Variants in SLC45A1 observed in about 807,000 individuals in gnomAD.
SLC45A1 encodes the protein solute carrier family 45 member 1, also known as proton-associated sugar transporter A.
In SLC45A1, 28 loss-of-function variants were observed where a neutral mutation model predicts 57.6. The ratio of observed to expected loss-of-function variants is 0.49; its 90% confidence interval spans 0.36 to 0.67. The LOEUF (loss-of-function observed/expected upper bound fraction) is 0.67, where lower values mean the gene tolerates loss of function less well. SLC45A1 is among the 30% of genes least tolerant of loss of function. The probability of loss-of-function intolerance (pLI) is 0.00; values close to 1 mark genes in which losing one functional copy is unlikely to be tolerated. For synonymous variants in SLC45A1, 459 were observed against 471.5 expected (o/e 0.97, Z 0.34); for missense variants, 814 against 1,041.5 (o/e 0.78, Z 3.01).
rs536446923 is a variant in SLC45A1, at chr1:8,343,779, G to C, written c.2013G>C (p.Arg671=). 50 of 1,613,886 alleles carry C rather than the reference G, an allele frequency of 3.1e-5. No homozygotes were observed. The South Asian group carries it at 5.5e-4, about 18-fold the overall frequency. Residue 671 remains arginine, a synonymous_variant, in exon 9 of 9, where the codon CGG becomes CGC. Transcript: ENST00000471889. This position sits in a 1 kb window ranked among gnomAD's most constrained non-coding sequence, Gnocchi z 7.7. ...FAGSSADGTR[R]GMGVDISLLS... is the part of the protein sequence containing the mutation. ...GGTCCAGTGCGGACGGCACCCGGCG[G>C]GGCATGGGCGTGGACATCTCTCTGC... is the stretch of plus-strand genomic sequence containing the variant.
At position 8,333,390 on chromosome 1, in the gene SLC45A1, G is replaced by A. The variant is rs531736337; in HGVS notation, c.1444-2047G>A. Among the ~76,000 whole-genome samples the A allele has an allele frequency of 2.0e-5, 3 of 152,082 alleles. No individual in the cohort carries two copies. In the East Asian group the frequency reaches 5.8e-4, roughly 29 times the overall value. On this transcript the variant is annotated intron_variant, in intron 5 of 8. Coordinates refer to ENST00000471889, the MANE Select transcript of SLC45A1 (RefSeq NM_001080397.3). ...GGGCTCAAGTGATCCCCCTGCCTTG[G>A]CCTCCCAAAGTGCTGGAATTAGAGG...
In SLC45A1 at chr1:8,335,364, C is replaced by G; in HGVS notation, c.1444-73C>G. 7.1e-7 allele frequency: 1 copy of G among 1,409,862 alleles called. No individual in the cohort carries two copies. The highest frequency in any genetic ancestry group is 9.4e-7 in the Non-Finnish European group (1 of 1,060,442). The allele number at this position is 1,409,862 out of a possible 1,614,324, so 87.3% of individuals were successfully genotyped here. A position where few individuals can be genotyped will look rare whatever the true frequency, so the allele number is the denominator to read the frequency against. On this transcript the variant is annotated intron_variant, in intron 5 of 8. Transcript: ENST00000471889. This position sits in a 1 kb window ranked among gnomAD's most constrained non-coding sequence, Gnocchi z 4.1. ...GCGGTGTTTCCGAGAGCGCATTCCC[C>G]TGAGCAGAGCAGGGTCTGCGCTGTG...
At position 8,343,090 on chromosome 1, in the gene SLC45A1, G is replaced by A. The variant is rs1393827219; in HGVS notation, c.1981-657G>A. Among the ~76,000 whole-genome samples, 1 of 152,170 alleles carries A rather than the reference G, an allele frequency of 6.6e-6. No individual in the cohort carries two copies. The highest frequency in any genetic ancestry group is 1.5e-5 in the Non-Finnish European group (1 of 68,042). The stretch of plus-strand genomic sequence containing the variant: ...CTGAGCACAGCCCTTCTGATGGGGG[G>A]AAGCCGCAGGGGAGGCCCAGGCTCC... On this transcript the variant is annotated intron_variant, in intron 8 of 8. Coordinates refer to ENST00000471889, the MANE Select transcript of SLC45A1 (RefSeq NM_001080397.3). The surrounding 1 kb of genome is among the most constrained non-coding windows in gnomAD (Gnocchi z 7.7).
Position 8,325,489 on chromosome 1 carries a change from T to A in SLC45A1, c.490+99T>A. 1.1e-6 allele frequency: 1 copy of A among 871,306 alleles called. No homozygotes were observed. Among genetic ancestry groups the A allele is most frequent in the Non-Finnish European group, 1.8e-6 (1 of 546,610 alleles). 54.0% of individuals were successfully genotyped at this position (871,306 alleles called of 1,614,324 possible). A position where few individuals can be genotyped will look rare whatever the true frequency, so the allele number is the denominator to read the frequency against. The stretch of plus-strand genomic sequence containing the variant: ...TTTAAAAAATGTTGACCAAAGCAGT[T>A]ACCCAGATAGCTCTGGGCCCGCACT... On this transcript the variant is annotated intron_variant, in intron 3 of 8. Transcript: ENST00000471889. This position sits in a 1 kb window ranked among gnomAD's most constrained non-coding sequence, Gnocchi z 6.3.
intron 8 of SLC45A1, among the ~76,000 whole-genome samples, chr1:8,340,141 G>A (rs974880501): frequency 2.0e-5 from 3 of 151,736 alleles, no homozygotes; most frequent in South Asian, 4.2e-4. Context: ...AATCCATGGA[G>A]AACAAAAACA....
chr1:8,323,176 A>G (rs1194117687), intron 1 of SLC45A1, among the ~76,000 whole-genome samples: 1 of 152,098 alleles, frequency 6.6e-6, no homozygotes, highest in Non-Finnish European at 1.5e-5. Flanking sequence ...TACCTAGGTC[A>G]TGGGCATTGT....
chr1:8,334,725 A>T (rs1640551461), intron 5 of SLC45A1, among the ~76,000 whole-genome samples: 1 of 152,002 alleles, frequency 6.6e-6, no homozygotes, highest in Non-Finnish European at 1.5e-5. Flanking sequence ...CAACAACAAC[A>T]ACGAAATAAC....
At position 8,319,948 on chromosome 1, in the gene SLC45A1, G is replaced by C. The variant is rs545928217; in HGVS notation, c.-25+1762G>C. 2.7e-3 allele frequency among the ~76,000 whole-genome samples: 412 copies of C among 152,154 alleles called. 4 individuals carry two copies. Among genetic ancestry groups the C allele is most frequent in the African/African-American group, 9.7e-3 (401 of 41,506 alleles). On this transcript the variant is annotated intron_variant, in intron 1 of 8. Coordinates refer to ENST00000471889, the MANE Select transcript of SLC45A1 (RefSeq NM_001080397.3). ...GGCCAGGCTGGTCTCGAACTCCTGA[G>C]CTCAGGTGATCCACCCACCTCGGCC...
At chr1:8,329,559 A>T (rs1339525817) in intron 4 of SLC45A1, among the ~76,000 whole-genome samples, 1 of 152,254 alleles carries the variant, frequency 6.6e-6, no homozygotes, top group Non-Finnish European at 1.5e-5. Context: ...TCCCCACAGC[A>T]TCGCTCACAG....
intron 8 of SLC45A1, among the ~76,000 whole-genome samples, chr1:8,341,403 C>T (rs1416841629): frequency 2.7e-5 from 4 of 150,340 alleles, no homozygotes; most frequent in Non-Finnish European, 5.9e-5. Flanking sequence ...GGCGTGGTGG[C>T]GGACGCCTAT....
chr1:8,338,512 C>A (rs1245643709), intron 7 of SLC45A1, among the ~76,000 whole-genome samples: 4 of 152,252 alleles, frequency 2.6e-5, no homozygotes, highest in African/African-American at 9.6e-5. Flanking sequence ...AGGTGCCATC[C>A]CCATGGGGCC....
At position 8,336,104 on chromosome 1, in the gene SLC45A1, A is replaced by G. The variant is rs72864263; in HGVS notation, c.1597+514A>G. On this transcript the variant is annotated intron_variant, in intron 6 of 8. Transcript: ENST00000471889. Reference sequence around the variant, plus strand: ...TCTCTTTCTGCTGTCGAGTGGTTGAACATTTGAGCATGATTCAGAATTTGA... The same window carrying G: ...TCTCTTTCTGCTGTCGAGTGGTTGAGCATTTGAGCATGATTCAGAATTTGA... 1.4e-3 allele frequency: 219 copies of G among 152,968 alleles called. 1 individual carries two copies. The highest frequency in any genetic ancestry group is 5.0e-3 in the African/African-American group (209 of 41,582). The allele number at this position is 152,968 out of a possible 1,614,324, so 9.5% of individuals were successfully genotyped here. A position where few individuals can be genotyped will look rare whatever the true frequency, so the allele number is the denominator to read the frequency against.
Position 8,324,363 on chromosome 1 carries a change from G to A in SLC45A1, c.34G>A (p.Asp12Asn). Residue 12 changes from aspartate to asparagine, a missense_variant, in exon 2 of 9, where the codon GAT becomes AAT. Physicochemically the swap from Asp to Asn is conservative, Grantham distance 23. Transcript: ENST00000471889. Reference sequence around the variant, plus strand: ...CGCAGCCAGCAGCACCCCGCCGGGAGATGCCCTCTTCCCCAGCGTGGCCCC... The same window carrying A: ...CGCAGCCAGCAGCACCCCGCCGGGAAATGCCCTCTTCCCCAGCGTGGCCCC... ...IPAASSTPPG[D>N]ALFPSVAPQD... The A allele has an allele frequency of 6.2e-7, 1 of 1,612,814 alleles. No individual in the cohort carries two copies. The highest frequency in any genetic ancestry group is 8.5e-7 in the Non-Finnish European group (1 of 1,179,962).
intron 6 of SLC45A1, among the ~76,000 whole-genome samples, chr1:8,336,922 T>A (rs143286925): frequency 0.01 from 1,555 of 152,328 alleles, 8 homozygotes; most frequent in Non-Finnish European, 0.018. Flanking sequence ...CCCAATTAAA[T>A]GGATCCCCTC....
intron 5 of SLC45A1, among the ~76,000 whole-genome samples, chr1:8,333,831 G>T (rs892722112): frequency 2.0e-5 from 3 of 152,232 alleles, no homozygotes; most frequent in Non-Finnish European, 4.4e-5. Context: ...CCGTCTCAGC[G>T]TGAGGAAGGA....
intron 7 of SLC45A1, 130 bp from the exon 8 acceptor site, chr1:8,339,363 G>A: frequency 1.2e-6 from 1 of 814,326 alleles, no homozygotes; most frequent in Non-Finnish European, 2.0e-6. Flanking sequence ...TTCTGGTCTG[G>A]GGCAAGTGAC....
At chr1:8,331,104 G>A (rs1414993008) in intron 5 of SLC45A1, among the ~76,000 whole-genome samples, 168 bp downstream of exon 5, 3 of 152,132 alleles carry the variant, frequency 2.0e-5, no homozygotes, top group South Asian at 2.1e-4. Flanking sequence ...GGCCAGGTGC[G>A]GTGGCTCAAG....
chr1:8,325,680 G>A lies in SLC45A1; in HGVS notation c.491-138G>A. 9 of 755,532 alleles carry A rather than the reference G, an allele frequency of 1.2e-5. No homozygotes were observed. Among genetic ancestry groups the A allele is most frequent in the South Asian group, 1.8e-5 (1 of 54,058 alleles). The allele number at this position is 755,532 out of a possible 1,614,324, so 46.8% of individuals were successfully genotyped here. On this transcript the variant is annotated intron_variant, in intron 3 of 8. Coordinates refer to ENST00000471889, the MANE Select transcript of SLC45A1 (RefSeq NM_001080397.3). The surrounding 1 kb of genome is among the most constrained non-coding windows in gnomAD (Gnocchi z 6.3). ...CAAAATATATGGTGAGTTTGCAGGC[G>A]GCTTTTCCACCGGGCTGTGCTTGAG...
In SLC45A1 at chr1:8,342,100, T is replaced by G. The variant is rs1034897048; in HGVS notation, c.1981-1647T>G. ...CGGGCGCCTGTAGTCCCAGCTACTC[T>G]GGAGGCTGAGGCAGAAGAATGGCGT... is the stretch of plus-strand genomic sequence containing the variant. On this transcript the variant is annotated intron_variant, in intron 8 of 8. Coordinates refer to ENST00000471889, the MANE Select transcript of SLC45A1 (RefSeq NM_001080397.3). Among the ~76,000 whole-genome samples the G allele has an allele frequency of 2.1e-3, 293 of 142,086 alleles. 2 individuals carry two copies. Among genetic ancestry groups the G allele is most frequent in the African/African-American group, 7.1e-3 (269 of 37,932 alleles). The allele number at this position is 142,086 out of a possible 152,430, so 93.2% of individuals were successfully genotyped here.
Sources: gnomAD v4.1 joint callset for allele counts (sites outside exome capture counted in the v4.1 genomes callset) on GRCh38, gnomAD v4.1.1 for gene constraint, Gnocchi (gnomAD v3.1) non-coding constraint, MANE v1.5 for transcripts, NCBI Gene and HGNC (gene_info 2026-07-23, HGNC 2026-07-21) for gene names.